PTK2: variants seen among roughly 807,000 people sequenced by gnomAD.
PTK2 encodes the protein focal adhesion kinase 1.
In PTK2, 45 loss-of-function variants were observed where a neutral mutation model predicts 150.1. The observed-to-expected ratio is 0.30, with a 90% CI of 0.24 to 0.38. The LOEUF is 0.38. PTK2 is among the 10% of genes least tolerant of loss of function. PTK2 has a pLI of 1.00. For missense variants in PTK2, 919 were observed against 1,307.3 expected, an observed-to-expected ratio of 0.70 and a Z score of 4.58; for synonymous variants, 432 against 449.2, an observed-to-expected ratio of 0.96 and a Z score of 0.48.
At chr8:140,751,362 A>G (rs1447972037) in intron 17 of PTK2, among the ~76,000 whole-genome samples, 1 of 152,090 alleles carries the variant, frequency 6.6e-6, no homozygotes, top group East Asian at 1.9e-4. Context: ...ATTTTTTCAT[A>G]GAGACGGGGT....
intron 27 of PTK2, among the ~76,000 whole-genome samples, chr8:140,686,212 G>A (rs945375202): frequency 6.6e-6 from 1 of 152,052 alleles, no homozygotes; most frequent in East Asian, 1.9e-4. Context: ...CACAATGAAG[G>A]GAACAACAGA....
At chr8:140,972,982 T>C (rs544607981) in intron 1 of PTK2, among the ~76,000 whole-genome samples, 6 of 152,058 alleles carry the variant, frequency 3.9e-5, no homozygotes, top group African/African-American at 1.4e-4. Context: ...GATAGAAATG[T>C]TAGAACAGAT....
intron 16 of PTK2, among the ~76,000 whole-genome samples, chr8:140,755,257 A>G (rs2154528811): frequency 6.6e-6 from 1 of 152,316 alleles, no homozygotes; most frequent in Middle Eastern, 3.4e-3. Flanking sequence ...CTTGCCTAAT[A>G]AAGAAAAAAA....
intron 26 of PTK2, among the ~76,000 whole-genome samples, chr8:140,694,856 C>T (rs1319210484): frequency 6.6e-6 from 1 of 152,212 alleles, no homozygotes; most frequent in Non-Finnish European, 1.5e-5. Context: ...ACCTAGCTGC[C>T]ACCATCACCA....
intron 1 of PTK2, among the ~76,000 whole-genome samples, chr8:140,958,010 G>A (rs963376584): frequency 6.6e-6 from 1 of 152,172 alleles, no homozygotes; most frequent in Non-Finnish European, 1.5e-5. Flanking sequence ...AAATAGCAAA[G>A]TCTCTTGTCC....
At chr8:140,944,019 T>C (rs1364861939) in intron 1 of PTK2, among the ~76,000 whole-genome samples, 2 of 152,270 alleles carry the variant, frequency 1.3e-5, no homozygotes, top group African/African-American at 2.4e-5. Flanking sequence ...AATTCATGAG[T>C]ACTGGGTAAA....
At chr8:140,953,865 A>G (rs1212390767) in intron 1 of PTK2, among the ~76,000 whole-genome samples, 1 of 152,170 alleles carries the variant, frequency 6.6e-6, no homozygotes, top group Non-Finnish European at 1.5e-5. Flanking sequence ...GGCTCACTGC[A>G]GCCTCAAATT....
At chr8:140,743,678 G>A (rs2100057017) in intron 19 of PTK2, among the ~76,000 whole-genome samples, 1 of 151,978 alleles carries the variant, frequency 6.6e-6, no homozygotes, top group Non-Finnish European at 1.5e-5. Context: ...CTATAACACT[G>A]CCATTACTAA....
At chr8:140,909,164 CTCTG>C (rs1412048055) in intron 2 of PTK2, 1 of 154,076 alleles carries the variant, frequency 6.5e-6, no homozygotes, top group Non-Finnish European at 1.5e-5. Flanking sequence ...CACAGCGAGA[CTCTG>C]TTGGAAGGGA....
At chr8:140,684,283 A>G (rs772602955) in intron 27 of PTK2, among the ~76,000 whole-genome samples, 8 of 152,350 alleles carry the variant, frequency 5.3e-5, no homozygotes, top group Non-Finnish European at 1.2e-4. Flanking sequence ...TTAGAGTCTC[A>G]TAAGGAGTGT....
At chr8:140,994,309 C>A (rs925113342) in intron 1 of PTK2, among the ~76,000 whole-genome samples, 1 of 152,094 alleles carries the variant, frequency 6.6e-6, no homozygotes, top group Non-Finnish European at 1.5e-5. Flanking sequence ...AGTATTTATG[C>A]AAATCAAGCT....
chr8:140,772,182 C>T (rs1419879717), intron 14 of PTK2, among the ~76,000 whole-genome samples: 3 of 152,170 alleles, frequency 2.0e-5, no homozygotes, highest in Non-Finnish European at 2.9e-5. Context: ...TATATGATGG[C>T]CCTAGAGGAA....
chr8:140,769,990 T>C (rs965383402), intron 14 of PTK2, among the ~76,000 whole-genome samples: 1 of 152,148 alleles, frequency 6.6e-6, no homozygotes, highest in Non-Finnish European at 1.5e-5. Context: ...GCAAACAAAC[T>C]AGTCATTAAT....
intron 1 of PTK2, among the ~76,000 whole-genome samples, chr8:140,931,928 CAAA>C (rs765792463): frequency 0.027 from 1,458 of 54,366 alleles, 14 homozygotes; most frequent in South Asian, 0.047. Flanking sequence ...GACCCAGTCT[CAAA>C]AAAAAAAAAA....
chr8:140,837,961 C>T (rs1395186398), intron 7 of PTK2, among the ~76,000 whole-genome samples: 1 of 151,774 alleles, frequency 6.6e-6, no homozygotes, highest in Non-Finnish European at 1.5e-5. Flanking sequence ...ACTTAGGAGG[C>T]TGAGGCAGGA....
chr8:140,846,543 C>T (rs763165444), intron 6 of PTK2, 56 bp downstream of exon 6: 1 of 1,391,310 alleles, frequency 7.2e-7, no homozygotes, highest in Non-Finnish European at 1.0e-6. Context: ...GGAAAATATT[C>T]AAAAATAATT....
At chr8:140,964,643 G>A (rs572959236) in intron 1 of PTK2, among the ~76,000 whole-genome samples, 237 of 142,386 alleles carry the variant, frequency 1.7e-3, no homozygotes, top group Admixed American at 7.5e-3. Flanking sequence ...AGATCCACCC[G>A]TCTTGGCCTC....
At chr8:140,999,889 A>C (rs1390269183) in intron 1 of PTK2, among the ~76,000 whole-genome samples, 1 of 152,100 alleles carries the variant, frequency 6.6e-6, no homozygotes, top group African/African-American at 2.4e-5. Context: ...CACTGCCTTC[A>C]GCTTTCAGCT....
chr8:140,738,627 C>A (rs563207443), intron 21 of PTK2, among the ~76,000 whole-genome samples: 1 of 152,202 alleles, frequency 6.6e-6, no homozygotes, highest in South Asian at 2.1e-4. Flanking sequence ...TAGATACTTC[C>A]GGGTTGGAGG....
Sources: gnomAD v4.1 joint callset for allele counts (sites outside exome capture counted in the v4.1 genomes callset) on GRCh38, gnomAD v4.1.1 for gene constraint, MANE v1.5 for transcripts, NCBI Gene and HGNC (gene_info 2026-07-23, HGNC 2026-07-21) for gene names.